The following ENOX2 variants were observed in gnomAD, a reference collection of about 807,000 sequenced individuals.
ENOX2 encodes ecto-NOX disulfide-thiol exchanger 2, also known as APK1 antigen.
In ENOX2, 36 loss-of-function variants were observed where a neutral mutation model predicts 45.0. That is an observed-to-expected ratio of 0.80 (90% confidence interval 0.61 to 1.06). ENOX2 has a LOEUF of 1.06. Ranked by LOEUF, ENOX2 falls within the 50% of genes least tolerant of loss-of-function variation. The probability of loss-of-function intolerance (pLI) is 0.00; values close to 1 mark genes in which losing one functional copy is unlikely to be tolerated. For synonymous variants in ENOX2, 174 were observed against 152.3 expected (o/e 1.14, Z -1.05); for missense variants, 423 against 462.5 (o/e 0.91, Z 0.78).
At chrX:130,637,540 T>C (rs924128024) in intron 10 of ENOX2, 130 bp from the exon 11 acceptor site, 9 of 483,819 alleles carry the variant, frequency 1.9e-5, no homozygotes, top group South Asian at 1.4e-4. Context: ...CAGCAAGAGA[T>C]AGATACAAAA....
chrX:130,790,051 C>G (rs1263033927), intron 2 of ENOX2, among the ~76,000 whole-genome samples: 3 of 113,121 alleles, frequency 2.7e-5, no homozygotes, highest in Non-Finnish European at 5.6e-5. Context: ...CAGGTCTTAA[C>G]TGATGTCAAA....
intron 9 of ENOX2, among the ~76,000 whole-genome samples, chrX:130,665,181 C>A (rs2036798434): frequency 8.9e-6 from 1 of 112,060 alleles, no homozygotes; most frequent in African/African-American, 3.2e-5. Context: ...AAAGCTTCCA[C>A]CTATAAAGAT....
intron 3 of ENOX2, among the ~76,000 whole-genome samples, chrX:130,766,941 C>T (rs1452156549): frequency 8.9e-6 from 1 of 111,910 alleles, no homozygotes; most frequent in Non-Finnish European, 1.9e-5. Context: ...AGATCACAAA[C>T]TAATCTATGG....
intron 3 of ENOX2, among the ~76,000 whole-genome samples, chrX:130,750,319 C>T (rs1241512923): frequency 9.0e-6 from 1 of 110,662 alleles, no homozygotes; most frequent in Non-Finnish European, 1.9e-5. Flanking sequence ...GTCTTTCTGT[C>T]AGTCTCTGTA....
intron 10 of ENOX2, among the ~76,000 whole-genome samples, chrX:130,647,977 CTG>C (rs1390919402): frequency 1.8e-5 from 2 of 111,240 alleles, no homozygotes; most frequent in African/African-American, 6.5e-5. Context: ...ATTTCAGATT[CTG>C]TGTGTTTGCA....
chrX:130,707,324 G>C (rs1156634430), intron 3 of ENOX2, among the ~76,000 whole-genome samples: 1 of 111,815 alleles, frequency 8.9e-6, no homozygotes, highest in Non-Finnish European at 1.9e-5. Context: ...TTTGGTTGAA[G>C]ATATGGCACT....
intron 2 of ENOX2, among the ~76,000 whole-genome samples, chrX:130,847,509 C>T (rs1447054386): frequency 9.0e-6 from 1 of 111,529 alleles, no homozygotes; most frequent in Non-Finnish European, 1.9e-5. Flanking sequence ...ATTAGGTGAC[C>T]TCTAAGGAAA....
chrX:130,697,634 T>C (rs976102271), intron 4 of ENOX2, among the ~76,000 whole-genome samples: 4 of 112,014 alleles, frequency 3.6e-5, no homozygotes, highest in Non-Finnish European at 7.5e-5. Context: ...AACTTTGTCT[T>C]TCTTGTTCAT....
chrX:130,823,784 T>C (rs768953176), intron 2 of ENOX2, among the ~76,000 whole-genome samples: 2 of 111,593 alleles, frequency 1.8e-5, no homozygotes, highest in South Asian at 7.6e-4. Context: ...TTATTTTTTC[T>C]TCTCTTAGCT....
At chrX:130,755,361 G>A (rs1452173334) in intron 3 of ENOX2, among the ~76,000 whole-genome samples, 1 of 111,112 alleles carries the variant, frequency 9.0e-6, no homozygotes, top group Non-Finnish European at 1.9e-5. Context: ...AATGTTAGCT[G>A]TTATTTTTTC....
intron 3 of ENOX2, among the ~76,000 whole-genome samples, chrX:130,721,115 G>A (rs1358831376): frequency 2.7e-5 from 3 of 111,244 alleles, no homozygotes; most frequent in African/African-American, 6.6e-5. Context: ...ATCTGAATAC[G>A]ATCGTGTCAT....
chrX:130,631,625 A>G, intron 12 of ENOX2, 49 bp from the exon 13 acceptor site: 1 of 746,504 alleles, frequency 1.3e-6, no homozygotes, highest in Non-Finnish European at 2.1e-6. Flanking sequence ...TTGGCAATAG[A>G]GTTGGTTTCA....
intron 6 of ENOX2, among the ~76,000 whole-genome samples, chrX:130,670,815 A>C (rs2036969433): frequency 9.1e-6 from 1 of 110,205 alleles, no homozygotes; most frequent in Non-Finnish European, 1.9e-5. Context: ...TGTGATTATA[A>C]TATAGTAGTA....
chrX:130,868,477 G>A (rs1055581301), intron 2 of ENOX2, among the ~76,000 whole-genome samples: 1 of 111,477 alleles, frequency 9.0e-6, no homozygotes, highest in African/African-American at 3.3e-5. Flanking sequence ...TGTTTTGACC[G>A]CTCAGACTCC....
chrX:130,748,265 A>T (rs989080760), intron 3 of ENOX2, among the ~76,000 whole-genome samples: 5 of 112,103 alleles, frequency 4.5e-5, no homozygotes, highest in Non-Finnish European at 9.4e-5. Context: ...CTCCTTACTT[A>T]CATTGTCTCA....
intron 3 of ENOX2, among the ~76,000 whole-genome samples, chrX:130,748,973 C>T (rs974719120): frequency 4.5e-5 from 5 of 111,877 alleles, no homozygotes; most frequent in Non-Finnish European, 9.4e-5. Context: ...GTAGGCTGAG[C>T]CTGGTCCTCA....
At chrX:130,626,968 A>G (rs1374920731) in intron 14 of ENOX2, among the ~76,000 whole-genome samples, 1 of 111,315 alleles carries the variant, frequency 9.0e-6, no homozygotes, top group Non-Finnish European at 1.9e-5. Flanking sequence ...ATTCATTCTG[A>G]GGAGTCAAGA....
intron 2 of ENOX2, among the ~76,000 whole-genome samples, chrX:130,889,900 C>T (rs1226056656): frequency 3.5e-5 from 4 of 112,834 alleles, no homozygotes; most frequent in Non-Finnish European, 7.5e-5. Flanking sequence ...TACCGTCCAC[C>T]ACAGCCTCAC....
intron 11 of ENOX2, among the ~76,000 whole-genome samples, chrX:130,636,006 G>A (rs1480449420): frequency 2.7e-5 from 3 of 111,941 alleles, no homozygotes; most frequent in Non-Finnish European, 5.6e-5. Flanking sequence ...TATGTGAAAT[G>A]GTTTGAAAAT....
Sources: allele counts gnomAD v4.1 joint callset (sites outside exome capture counted in the v4.1 genomes callset), GRCh38; gene constraint gnomAD v4.1.1; transcripts MANE v1.5; gene names NCBI Gene and HGNC (gene_info 2026-07-23, HGNC 2026-07-21).